The following CC2D2B variants were observed in gnomAD, a reference collection of about 807,000 sequenced individuals.
CC2D2B encodes the protein coiled-coil and C2 domain containing 2B, also known as protein CC2D2B.
In CC2D2B, 128 loss-of-function variants were observed where a neutral mutation model predicts 161.2. That is an observed-to-expected ratio of 0.79 (90% confidence interval 0.69 to 0.92). CC2D2B has a LOEUF of 0.92. CC2D2B is among the 40% of genes least tolerant of loss of function. CC2D2B has a pLI of 0.00. For synonymous variants in CC2D2B, 391 were observed against 449.8 expected, an observed-to-expected ratio of 0.87 and a Z score of 1.65; for missense variants, 1,173 against 1,375.1, an observed-to-expected ratio of 0.85 and a Z score of 2.32.
At chr10:95,920,799 G>A (rs537703844) in intron 2 of CC2D2B, 2 of 152,452 alleles carry the variant, frequency 1.3e-5, no homozygotes, top group African/African-American at 4.8e-5. Context: ...TCAGGGCAGT[G>A]GGTTCTCTTC....
chr10:96,003,169 TGTAAA>T (rs1348257337), intron 24 of CC2D2B, among the ~76,000 whole-genome samples: 2 of 151,988 alleles, frequency 1.3e-5, no homozygotes, highest in Non-Finnish European at 2.9e-5. Flanking sequence ...AGTTTCTCTG[TGTAAA>T]GTAACCTATT....
intron 6 of CC2D2B, among the ~76,000 whole-genome samples, chr10:95,935,584 C>G (rs982077022): frequency 3.3e-5 from 5 of 151,704 alleles, no homozygotes; most frequent in African/African-American, 1.2e-4. Context: ...ACCTCTCTGA[C>G]TTTATTTCAT....
At position 96,000,927 on chromosome 10, in the gene CC2D2B, C is replaced by T. The variant is rs548262531; in HGVS notation, c.2850-3225C>T. 225 of 152,216 alleles carry T rather than the reference C, an allele frequency of 1.5e-3. 1 individual carries two copies. The highest frequency in any genetic ancestry group is 5.0e-3 in the African/African-American group (206 of 41,538). 9.4% of individuals were successfully genotyped at this position (152,216 alleles called of 1,614,324 possible). On this transcript the variant is annotated intron_variant, in intron 24 of 34. Coordinates refer to ENST00000646931, the MANE Select transcript of CC2D2B (RefSeq NM_001349008.3). ...AACTTGCATTAAAATTTTAGACCAT[C>T]GCATTTTCTGAAGAATGAGTGAGGA...
At chr10:95,998,944 G>A (rs1228243488) in intron 24 of CC2D2B, among the ~76,000 whole-genome samples, 1 of 152,012 alleles carries the variant, frequency 6.6e-6, no homozygotes, top group Non-Finnish European at 1.5e-5. Context: ...GGTGAGCTGT[G>A]CTGGTGGATG....
chr10:95,934,259 T>A (rs1014914710), intron 6 of CC2D2B, among the ~76,000 whole-genome samples: 5 of 152,120 alleles, frequency 3.3e-5, no homozygotes, highest in African/African-American at 1.2e-4. Flanking sequence ...CAGGTCGACT[T>A]CAGACTGCTG....
chr10:95,990,258 G>C (rs2077896970), intron 20 of CC2D2B, among the ~76,000 whole-genome samples: 1 of 152,164 alleles, frequency 6.6e-6, no homozygotes, highest in Admixed American at 6.5e-5. Context: ...CAGGAGTTCT[G>C]GGTGGAGGGG....
chr10:96,018,063 C>A (rs942239197), intron 30 of CC2D2B, among the ~76,000 whole-genome samples: 2 of 152,192 alleles, frequency 1.3e-5, no homozygotes, highest in Admixed American at 1.3e-4. Flanking sequence ...TGACAAGGCT[C>A]TTAACCTCTG....
intron 6 of CC2D2B, among the ~76,000 whole-genome samples, chr10:95,936,246 GAGA>G (rs2075816929): frequency 6.6e-6 from 1 of 152,178 alleles, no homozygotes; most frequent in African/African-American, 2.4e-5. Flanking sequence ...GAGCTGTTTA[GAGA>G]AGTTGTTTGG....
intron 16 of CC2D2B, among the ~76,000 whole-genome samples, chr10:95,973,340 G>A (rs1036597771): frequency 6.6e-6 from 1 of 152,108 alleles, no homozygotes; most frequent in Non-Finnish European, 1.5e-5. Context: ...GAAGACTTGG[G>A]AATGTAAGGA....
chr10:95,967,761 G>A (rs528318102), intron 14 of CC2D2B, among the ~76,000 whole-genome samples: 37 of 152,244 alleles, frequency 2.4e-4, no homozygotes, highest in African/African-American at 8.7e-4. Context: ...GAATATGGTC[G>A]AAAGAGGCCA....
intron 25 of CC2D2B, among the ~76,000 whole-genome samples, chr10:96,005,698 A>G (rs978193589): frequency 1.3e-5 from 2 of 152,140 alleles, no homozygotes; most frequent in African/African-American, 4.8e-5. Context: ...TCTTACAGAC[A>G]CGTAGCCTAT....
intron 17 of CC2D2B, among the ~76,000 whole-genome samples, chr10:95,976,892 G>A (rs2077335780): frequency 6.6e-6 from 1 of 152,180 alleles, no homozygotes; most frequent in South Asian, 2.1e-4. Flanking sequence ...GGGATTACAG[G>A]CATGCGCTAC....
In CC2D2B at chr10:95,913,166, A is replaced by G. The variant is rs141253655; in HGVS notation, c.36+1807A>G. 1.3e-5 allele frequency among the ~76,000 whole-genome samples: 2 copies of G among 151,270 alleles called. 1 individual carries two copies. The highest frequency in any genetic ancestry group is 4.9e-5 in the African/African-American group (2 of 41,136). ...TATACTCTCTATTTCCGTGAGTTCA[A>G]TTGTTTTAATTTTCAGTTCTCACAA... On this transcript the variant is annotated intron_variant, in intron 2 of 34. Transcript: ENST00000646931.
chr10:95,993,873 G>GTA (rs1191037973), intron 22 of CC2D2B, among the ~76,000 whole-genome samples: 2 of 80,798 alleles, frequency 2.5e-5, no homozygotes, highest in African/African-American at 1.1e-4. Context: ...GAGAGAGAGT[G>GTA]TATATATATA....
intron 6 of CC2D2B, among the ~76,000 whole-genome samples, chr10:95,932,972 T>C (rs2075665763): frequency 2.6e-5 from 4 of 151,588 alleles, no homozygotes; most frequent in Non-Finnish European, 5.9e-5. Flanking sequence ...TCCTGAAGAG[T>C]GTTTTCCAAC....
chr10:96,029,586 C>G (rs1216884407), intron 34 of CC2D2B, among the ~76,000 whole-genome samples: 2 of 150,992 alleles, frequency 1.3e-5, no homozygotes, highest in East Asian at 1.9e-4. Context: ...TCCAGGCAAG[C>G]TTCAATATCT....
intron 29 of CC2D2B, among the ~76,000 whole-genome samples, chr10:96,015,460 T>C (rs1399650497): frequency 9.6e-6 from 1 of 103,886 alleles, no homozygotes; most frequent in Non-Finnish European, 2.0e-5. Flanking sequence ...TTTGCTAGAG[T>C]TTGTTTTTGT....
chr10:96,019,938 G>T, intron 32 of CC2D2B, 114 bp downstream of exon 32: 1 of 991,670 alleles, frequency 1.0e-6, no homozygotes, highest in Non-Finnish European at 1.4e-6. Context: ...GAAATATTTG[G>T]CAATATTAAT....
In CC2D2B at chr10:95,993,680, T is replaced by TAA. The variant is rs763554391; in HGVS notation, c.2642+995_2642+996dup. Reference sequence around the variant, plus strand: ...CCATTTTCTATAAGCATCATGCTGCTAAAAAAAAAAAAAGAATATTGTAAC... The same window carrying TAA: ...CCATTTTCTATAAGCATCATGCTGCTAAAAAAAAAAAAAAAGAATATTGTAAC... On this transcript the variant is annotated intron_variant, in intron 22 of 34. Coordinates refer to ENST00000646931, the MANE Select transcript of CC2D2B (RefSeq NM_001349008.3). Among the ~76,000 whole-genome samples, 16 of 127,380 alleles carry TAA rather than the reference T, an allele frequency of 1.3e-4. No individual in the cohort carries two copies. In the East Asian group the frequency reaches 3.4e-3, roughly 27 times the overall value. 83.6% of individuals were successfully genotyped at this position (127,380 alleles called of 152,430 possible).
Sources: gnomAD v4.1 joint callset for allele counts (sites outside exome capture counted in the v4.1 genomes callset) on GRCh38, gnomAD v4.1.1 for gene constraint, MANE v1.5 for transcripts, NCBI Gene and HGNC (gene_info 2026-07-23, HGNC 2026-07-21) for gene names.